The following ARID2 variants were observed in gnomAD, a reference collection of about 807,000 sequenced individuals.
ARID2 encodes the protein AT-rich interaction domain 2.
In ARID2, 32 loss-of-function variants were observed where a neutral mutation model predicts 184.6. That is an observed-to-expected ratio of 0.17 (90% CI 0.13 to 0.23). ARID2 has a LOEUF of 0.23. ARID2 is among the 10% of genes least tolerant of loss of function. ARID2 has a pLI of 1.00. For synonymous variants in ARID2, 836 were observed against 772.6 expected (o/e 1.08, Z -1.36); for missense variants, 1,696 against 2,197.6 (o/e 0.77, Z 4.56).
intron 6 of ARID2, among the ~76,000 whole-genome samples, chr12:45,826,380 G>T (rs907016597): frequency 1.3e-5 from 2 of 152,042 alleles, no homozygotes; most frequent in South Asian, 4.1e-4. Flanking sequence ...GAGAGAGAGA[G>T]AAATGTTTTC....
chr12:45,796,183 A>C (rs1296501679), intron 3 of ARID2, among the ~76,000 whole-genome samples: 1 of 151,972 alleles, frequency 6.6e-6, no homozygotes, highest in African/African-American at 2.4e-5. Flanking sequence ...AAAATTCAAA[A>C]ATTTTTAATA....
intron 16 of ARID2, among the ~76,000 whole-genome samples, chr12:45,886,394 G>A (rs899230092): frequency 3.3e-5 from 5 of 152,174 alleles, no homozygotes; most frequent in African/African-American, 1.2e-4. Flanking sequence ...CCGGTCAGCT[G>A]CCATCATGGG....
At chr12:45,812,040 T>G (rs1942719185) in intron 4 of ARID2, among the ~76,000 whole-genome samples, 1 of 152,010 alleles carries the variant, frequency 6.6e-6, no homozygotes, top group South Asian at 2.1e-4. Flanking sequence ...ATCCACAGCT[T>G]GAAAAAAATC....
At chr12:45,811,338 G>A (rs2138082030) in intron 3 of ARID2, 80 bp from the exon 4 acceptor site, 2 of 1,399,464 alleles carry the variant, frequency 1.4e-6, no homozygotes, top group Non-Finnish European at 1.9e-6. Flanking sequence ...TTTAGAAAAG[G>A]AAAACAAATA....
At chr12:45,824,302 C>G (rs1468869988) in intron 6 of ARID2, among the ~76,000 whole-genome samples, 1 of 151,944 alleles carries the variant, frequency 6.6e-6, no homozygotes, top group African/African-American at 2.4e-5. Context: ...TTTTTTGCAT[C>G]TTTTGAGATA....
intron 3 of ARID2, among the ~76,000 whole-genome samples, chr12:45,767,949 T>C (rs1407929144): frequency 6.6e-6 from 1 of 152,196 alleles, no homozygotes; most frequent in African/African-American, 2.4e-5. Context: ...CCGGTGAAAC[T>C]GGAAAAAGCA....
At chr12:45,827,134 C>G (rs1226596066) in intron 6 of ARID2, among the ~76,000 whole-genome samples, 1 of 151,772 alleles carries the variant, frequency 6.6e-6, no homozygotes, top group Non-Finnish European at 1.5e-5. Flanking sequence ...AACTCCAAGA[C>G]AAATTTGCAA....
rs370464180 is a variant in ARID2, at chr12:45,817,884, C to T, written c.633C>T (p.Asp211=). 10 of 1,609,548 alleles carry T rather than the reference C, an allele frequency of 6.2e-6. No individual in the cohort carries two copies. The highest frequency in any genetic ancestry group is 1.3e-5 in the African/African-American group (1 of 74,588). The change falls in exon 5 of 21, where the codon GAC becomes GAT. Residue 211 remains aspartate (D), a synonymous_variant. Coordinates refer to ENST00000334344, the MANE Select transcript of ARID2 (RefSeq NM_152641.4). ...TACTTGCTAATGCCGGGGTGTTTGACGACAGTAAGTTTTAAGCTGAATGTA... is the reference window on the plus strand; with the variant it reads ...TACTTGCTAATGCCGGGGTGTTTGATGACAGTAAGTTTTAAGCTGAATGTA... The part of the protein sequence containing the change: ...TLLLANAGVF[D]DTLGSFSTVF...
At chr12:45,868,750 G>A (rs1943869800) in intron 16 of ARID2, among the ~76,000 whole-genome samples, 1 of 152,058 alleles carries the variant, frequency 6.6e-6, no homozygotes, top group Non-Finnish European at 1.5e-5. Flanking sequence ...TGCCACCTTT[G>A]TCATATACTA....
chr12:45,729,784 G>T lies in ARID2; in HGVS notation c.-53G>T. The T allele has an allele frequency of 1.3e-6, 2 of 1,510,566 alleles. No homozygotes were observed. Among genetic ancestry groups the T allele is most frequent in the Non-Finnish European group, 1.8e-6 (2 of 1,111,420 alleles). The allele number at this position is 1,510,566 out of a possible 1,614,324, so 93.6% of individuals were successfully genotyped here. On this transcript the variant is annotated 5_prime_UTR_variant, in exon 1 of 21. Coordinates refer to ENST00000334344, the MANE Select transcript of ARID2 (RefSeq NM_152641.4). ...CTGGTAGGAAGCGCTGGGAGCGGGG[G>T]GCGCTTTTAAAACACCGATCTGGGT...
In ARID2 at chr12:45,849,654, T is replaced by C. The variant is rs779914776; in HGVS notation, c.1790T>C (p.Val597Ala). ...AATGGGCAGGCACATATTCATGTGGTAGGAGTAAAACGGAGGGCTATACCA... is the reference window on the plus strand; with the variant it reads ...AATGGGCAGGCACATATTCATGTGGCAGGAGTAAAACGGAGGGCTATACCA... ...SSNGQAHIHV[V>A]GVKRRAIPLP... Residue 597 changes from valine to alanine, a missense_variant, in exon 14 of 21, where the codon GTA (valine) becomes GCA (alanine). Coordinates refer to ENST00000334344, the MANE Select transcript of ARID2 (RefSeq NM_152641.4). 5 of 1,613,650 alleles carry C rather than the reference T, an allele frequency of 3.1e-6. No individual in the cohort carries two copies. Among genetic ancestry groups the C allele is most frequent in the Non-Finnish European group, 4.2e-6 (5 of 1,179,748 alleles).
rs537973681 is a variant in ARID2, at chr12:45,896,704, C to G, written c.5363+2983C>G. ...AACGGACTAATACAAAGGCTAAAAC[C>G]ACGATTATGCTAAGGGTGGAATGTG... On this transcript the variant is annotated intron_variant, in intron 20 of 20. Coordinates refer to ENST00000334344, the MANE Select transcript of ARID2 (RefSeq NM_152641.4). 2.6e-5 allele frequency among the ~76,000 whole-genome samples: 4 copies of G among 152,192 alleles called. No homozygotes were observed. The South Asian group carries it at 8.3e-4, about 32-fold the overall frequency.
At position 45,851,897 on chromosome 12, in the gene ARID2, T is replaced by A. The variant is rs1455191097; in HGVS notation, c.3774T>A (p.Val1258=). Residue 1258 remains valine, a synonymous_variant, in exon 15 of 21, where the codon GTT becomes GTA. Coordinates refer to ENST00000334344, the MANE Select transcript of ARID2 (RefSeq NM_152641.4). The stretch of plus-strand genomic sequence containing the variant: ...CAAAGGAAGCAACAGGTTTACATGT[T>A]CATGAACGTAAAATTGAAGTCATGG... ...EEAKEATGLH[V]HERKIEVMEN... 1.9e-6 allele frequency: 3 copies of A among 1,614,158 alleles called. No individual in the cohort carries two copies. The South Asian group carries it at 3.3e-5, about 18-fold the overall frequency.
intron 6 of ARID2, among the ~76,000 whole-genome samples, chr12:45,823,460 A>G (rs1474343584): frequency 1.3e-5 from 2 of 152,124 alleles, no homozygotes; most frequent in Admixed American, 1.3e-4. Flanking sequence ...TCAGACCAGA[A>G]CTAATTGAAA....
intron 3 of ARID2, among the ~76,000 whole-genome samples, chr12:45,773,536 A>G (rs1035699503): frequency 1.3e-5 from 2 of 152,110 alleles, no homozygotes; most frequent in African/African-American, 4.8e-5. Context: ...GATTACTAGA[A>G]TTAGAAATGA....
intron 3 of ARID2, among the ~76,000 whole-genome samples, chr12:45,765,951 A>G (rs1471776348): frequency 6.6e-6 from 1 of 152,190 alleles, no homozygotes; most frequent in Non-Finnish European, 1.5e-5. Context: ...CTTTTAGTCA[A>G]CAAAATTATT....
chr12:45,876,112 G>A (rs749565467), intron 16 of ARID2, among the ~76,000 whole-genome samples: 19 of 152,138 alleles, frequency 1.2e-4, no homozygotes, highest in Non-Finnish European at 2.2e-4. Flanking sequence ...AGAGACATAC[G>A]ACTCTTCCTT....
At chr12:45,881,895 GT>G in intron 16 of ARID2, 1 of 208,738 alleles carries the variant, frequency 4.8e-6, no homozygotes, top group South Asian at 8.2e-5. Flanking sequence ...ATCTGGGGAG[GT>G]TTTCACCCCA....
chr12:45,822,652 CTTAAATA>C (rs1435443421), intron 6 of ARID2, among the ~76,000 whole-genome samples: 6 of 152,054 alleles, frequency 3.9e-5, no homozygotes, highest in African/African-American at 1.4e-4. Flanking sequence ...TGATTAATCA[CTTAAATA>C]TTAAAAATCA....
Sources: gnomAD v4.1 joint callset for allele counts (sites outside exome capture counted in the v4.1 genomes callset) on GRCh38, gnomAD v4.1.1 for gene constraint, MANE v1.5 for transcripts, NCBI Gene and HGNC (gene_info 2026-07-23, HGNC 2026-07-21) for gene names.